The following DLG2 variants were observed in gnomAD, a reference collection of about 807,000 sequenced individuals.
The protein encoded by DLG2 is disks large homolog 2.
In DLG2, 45 loss-of-function variants were observed where a neutral mutation model predicts 132.5. The ratio of observed to expected loss-of-function variants is 0.34; its 90% CI spans 0.27 to 0.44. The LOEUF (loss-of-function observed/expected upper bound fraction) is 0.44, where lower values mean the gene tolerates loss of function less well. DLG2 is among the 20% of genes least tolerant of loss of function. The pLI is 1.00. For synonymous variants in DLG2, 424 were observed against 419.6 expected (o/e 1.01, Z -0.13); for missense variants, 1,045 against 1,196.9 (o/e 0.87, Z 1.87).
chr11:83,955,324 C>T (rs1014966434), intron 14 of DLG2, among the ~76,000 whole-genome samples: 1 of 152,196 alleles, frequency 6.6e-6, no homozygotes, highest in African/African-American at 2.4e-5. Flanking sequence ...CACACCTAAT[C>T]ACTCTGTTAT....
chr11:85,193,282 T>C (rs1280852770), intron 4 of DLG2, among the ~76,000 whole-genome samples: 1 of 152,224 alleles, frequency 6.6e-6, no homozygotes, highest in Non-Finnish European at 1.5e-5. Context: ...TACTCCCTTA[T>C]ACAGATTCTA....
At chr11:83,493,840 CA>C (rs1266912642) in intron 21 of DLG2, among the ~76,000 whole-genome samples, 2 of 152,094 alleles carry the variant, frequency 1.3e-5, no homozygotes, top group Admixed American at 1.3e-4. Flanking sequence ...ACCAATTATT[CA>C]TCATGTGTGG....
At chr11:84,188,139 G>A (rs1479675467) in intron 8 of DLG2, among the ~76,000 whole-genome samples, 3 of 152,090 alleles carry the variant, frequency 2.0e-5, no homozygotes, top group Non-Finnish European at 4.4e-5. Context: ...CCAAGATCCA[G>A]TTACTAGTTT....
intron 8 of DLG2, among the ~76,000 whole-genome samples, chr11:84,202,470 A>G (rs1452190899): frequency 6.6e-6 from 1 of 152,236 alleles, no homozygotes; most frequent in African/African-American, 2.4e-5. Context: ...AATTAACTCA[A>G]GATGGATTAA....
chr11:83,703,282 A>G (rs1205628453), intron 18 of DLG2, among the ~76,000 whole-genome samples: 1 of 152,198 alleles, frequency 6.6e-6, no homozygotes, highest in East Asian at 1.9e-4. Flanking sequence ...AAGAAACAAA[A>G]TGGGACTTTA....
chr11:84,475,594 C>CTA (rs1462354132), intron 7 of DLG2, among the ~76,000 whole-genome samples: 1 of 152,070 alleles, frequency 6.6e-6, no homozygotes, highest in Non-Finnish European at 1.5e-5. Flanking sequence ...TAGTTGTTAA[C>CTA]ATGTTGGTAG....
chr11:84,499,361 T>A (rs2099195410), intron 7 of DLG2, among the ~76,000 whole-genome samples: 1 of 152,142 alleles, frequency 6.6e-6, no homozygotes, highest in South Asian at 2.1e-4. Context: ...TAGTAACAAT[T>A]TAGTAGCTCA....
chr11:84,245,510 T>G (rs1204450841), intron 8 of DLG2, among the ~76,000 whole-genome samples: 1 of 152,142 alleles, frequency 6.6e-6, no homozygotes, highest in African/African-American at 2.4e-5. Flanking sequence ...TCCCTTACTT[T>G]CCTAGGAGGG....
At chr11:84,276,835 A>G (rs2097787623) in intron 7 of DLG2, among the ~76,000 whole-genome samples, 1 of 152,210 alleles carries the variant, frequency 6.6e-6, no homozygotes, top group Non-Finnish European at 1.5e-5. Flanking sequence ...TTCCAGTAAA[A>G]ATAGAGTAAC....
rs1339711428 is a variant in DLG2 at position 84,651,635 on chromosome 11, AG to A, written c.358-116905del. ...GGTGAAGCCATTGGTATTGGAAAAC[AG>A]ACTATGGCTTTTGAATTATTATGTT... is the stretch of plus-strand genomic sequence containing the variant. On this transcript the variant is annotated intron_variant, in intron 6 of 27. Transcript: ENST00000376104. Among the ~76,000 whole-genome samples, 4 of 152,218 alleles carry A rather than the reference AG, an allele frequency of 2.6e-5. No individual in the cohort carries two copies. The East Asian group carries it at 7.7e-4, about 29-fold the overall frequency.
Position 83,456,735 on chromosome 11 carries a change from C to A in DLG2, c.*3083G>T, listed in dbSNP as rs577600094. ...AAGAATGAGAAAAAAAGTAGAGTCT[C>A]GAGCCAGAGGTTGGAGAGTTCTTTC... On this transcript the variant is annotated 3_prime_UTR_variant, in exon 28 of 28. Transcript: ENST00000376104. 1.3e-5 allele frequency: 2 copies of A among 151,918 alleles called. No individual in the cohort carries two copies. Among genetic ancestry groups the A allele is most frequent in the African/African-American group, 4.8e-5 (2 of 41,364 alleles). The allele number at this position is 151,918 out of a possible 1,614,324, so 9.4% of individuals were successfully genotyped here.
chr11:84,605,664 A>T (rs12293725), intron 6 of DLG2, among the ~76,000 whole-genome samples: 9,031 of 151,724 alleles, frequency 0.06, 392 homozygotes, highest in African/African-American at 0.11. Flanking sequence ...CTGTAATACC[A>T]TGTAATCCTC....
rs954141632 is a variant in DLG2 at position 84,312,976 on chromosome 11, A to G, written c.520-61685T>C. 5.3e-5 allele frequency among the ~76,000 whole-genome samples: 8 copies of G among 150,554 alleles called. 1 individual carries two copies. The highest frequency in any genetic ancestry group is 1.2e-4 in the African/African-American group (5 of 40,970). On this transcript the variant is annotated intron_variant, in intron 7 of 27. Transcript: ENST00000376104. The stretch of plus-strand genomic sequence containing the variant: ...AGGTGCCCGCCACCACGCCCGGCCA[A>G]TTTTTTTGTATTTTTAGTAGAGACG...
chr11:83,465,380 G>C (rs1423042019), intron 26 of DLG2, among the ~76,000 whole-genome samples: 1 of 152,144 alleles, frequency 6.6e-6, no homozygotes, highest in Non-Finnish European at 1.5e-5. Flanking sequence ...AATATCCTCT[G>C]TAAGCAATTG....
intron 6 of DLG2, among the ~76,000 whole-genome samples, chr11:84,671,091 CAAT>C (rs1237820079): frequency 6.7e-6 from 1 of 149,544 alleles, no homozygotes; most frequent in Non-Finnish European, 1.5e-5. Context: ...TTACCGAGTA[CAAT>C]AATTTTTTTT....
chr11:84,437,149 TTGA>T (rs1387932264), intron 7 of DLG2, among the ~76,000 whole-genome samples: 15 of 152,200 alleles, frequency 9.9e-5, no homozygotes, highest in African/African-American at 3.4e-4. Flanking sequence ...ACTGTATCAG[TTGA>T]TGATTTCACC....
At chr11:83,694,126 TC>T (rs1488695082) in intron 18 of DLG2, among the ~76,000 whole-genome samples, 2 of 152,186 alleles carry the variant, frequency 1.3e-5, no homozygotes, top group Non-Finnish European at 2.9e-5. Flanking sequence ...CAAAGCCGTG[TC>T]CCCAGGATCA....
At chr11:83,578,493 A>C (rs1405728254) in intron 19 of DLG2, among the ~76,000 whole-genome samples, 1 of 152,120 alleles carries the variant, frequency 6.6e-6, no homozygotes, top group East Asian at 1.9e-4. Flanking sequence ...AAAAAGAAAG[A>C]TCCAACTATA....
intron 6 of DLG2, among the ~76,000 whole-genome samples, chr11:84,660,825 A>G (rs2099693737): frequency 6.6e-6 from 1 of 152,212 alleles, no homozygotes; most frequent in Admixed American, 6.5e-5. Context: ...CAAGGTGACT[A>G]AGTGGGCCTA....
Sources: allele counts gnomAD v4.1 joint callset (sites outside exome capture counted in the v4.1 genomes callset), GRCh38; gene constraint gnomAD v4.1.1; transcripts MANE v1.5; gene names NCBI Gene and HGNC (gene_info 2026-07-23, HGNC 2026-07-21).